The following LRRC7 variants were observed in gnomAD, a reference collection of about 807,000 sequenced individuals.
The protein encoded by LRRC7 is leucine rich repeat containing 7.
LRRC7 carries 23 observed loss-of-function variants against 175.7 expected under a neutral mutation model. The observed-to-expected ratio is 0.13, with a 90% CI of 0.09 to 0.19. LRRC7 has a LOEUF of 0.19. Among genes scored for constraint, LRRC7 ranks in the 10% least tolerant of loss-of-function variants. LRRC7 has a pLI of 1.00. For synonymous variants in LRRC7, 685 were observed against 680.9 expected (o/e 1.01, Z -0.09); for missense variants, 1,354 against 1,904.7 (o/e 0.71, Z 5.38).
At chr1:69,712,766 G>A (rs1007261902) in intron 2 of LRRC7, among the ~76,000 whole-genome samples, 2 of 152,178 alleles carry the variant, frequency 1.3e-5, no homozygotes, top group African/African-American at 4.8e-5. Flanking sequence ...ATAAAATACT[G>A]TGTTTAAAAG....
chr1:70,046,186 G>C lies in LRRC7; in HGVS notation c.4110+2092G>C, dbSNP rs185055821. 6.6e-5 allele frequency among the ~76,000 whole-genome samples: 10 copies of C among 152,150 alleles called. No homozygotes were observed. The East Asian group carries it at 1.7e-3, about 26-fold the overall frequency. On this transcript the variant is annotated intron_variant, in intron 22 of 26. Transcript: ENST00000651989. ...CTGTATGACAATATAGATATATACA[G>C]TATCTGAAAATGCCAATACACTTGA...
At chr1:69,792,565 T>C (rs1312380569) in intron 4 of LRRC7, among the ~76,000 whole-genome samples, 2 of 152,024 alleles carry the variant, frequency 1.3e-5, no homozygotes, top group African/African-American at 2.4e-5. Flanking sequence ...GGGCTTCAGT[T>C]TTTTCCCCTA....
chr1:69,602,287 T>G (rs754195980), intron 1 of LRRC7, among the ~76,000 whole-genome samples: 2 of 152,148 alleles, frequency 1.3e-5, no homozygotes, highest in Non-Finnish European at 2.9e-5. Flanking sequence ...ACGGTATTAA[T>G]GACAAAAGTA....
intron 7 of LRRC7, among the ~76,000 whole-genome samples, chr1:69,859,977 A>G (rs2101527570): frequency 6.6e-6 from 1 of 152,178 alleles, no homozygotes; most frequent in South Asian, 2.1e-4. Context: ...TATTTCTACT[A>G]CAGCCAACTT....
intron 26 of LRRC7, among the ~76,000 whole-genome samples, chr1:70,118,092 C>G (rs74085938): frequency 6.6e-6 from 1 of 150,656 alleles, no homozygotes; most frequent in African/African-American, 2.5e-5. Context: ...CACACACACA[C>G]GCACACGAAC....
chr1:69,998,349 T>C (rs1270638650), intron 11 of LRRC7, among the ~76,000 whole-genome samples: 1 of 152,176 alleles, frequency 6.6e-6, no homozygotes, highest in Non-Finnish European at 1.5e-5. Flanking sequence ...TTCACTTTTA[T>C]AGAGTGGAAC....
intron 1 of LRRC7, among the ~76,000 whole-genome samples, chr1:69,642,373 TG>T (rs1205252499): frequency 6.6e-6 from 1 of 151,870 alleles, no homozygotes; most frequent in Non-Finnish European, 1.5e-5. Flanking sequence ...GATCAATTAA[TG>T]TGTAATATTT....
chr1:69,919,719 C>A (rs1646825927), intron 7 of LRRC7: 2 of 1,018,644 alleles, frequency 2.0e-6, no homozygotes, highest in African/African-American at 1.6e-5. Context: ...GACCTGGGTG[C>A]CTTCAGCAAA....
At chr1:69,581,141 G>T (rs1035395591) in intron 1 of LRRC7, among the ~76,000 whole-genome samples, 1 of 152,306 alleles carries the variant, frequency 6.6e-6, no homozygotes, top group East Asian at 1.9e-4. Flanking sequence ...AAGAATTTAA[G>T]TTGTTTATCC....
At chr1:69,967,759 A>G (rs543575842) in intron 8 of LRRC7, among the ~76,000 whole-genome samples, 1 of 152,286 alleles carries the variant, frequency 6.6e-6, no homozygotes, top group Non-Finnish European at 1.5e-5. Flanking sequence ...GGAGGAGAGT[A>G]CTACATCAAG....
intron 3 of LRRC7, among the ~76,000 whole-genome samples, chr1:69,787,692 G>A (rs1030311277): frequency 1.3e-5 from 2 of 152,076 alleles, no homozygotes; most frequent in African/African-American, 2.4e-5. Flanking sequence ...AGAGGCTGCC[G>A]CAAAGGTCTC....
intron 7 of LRRC7, among the ~76,000 whole-genome samples, chr1:69,855,907 T>G (rs556601660): frequency 6.6e-6 from 1 of 152,318 alleles, no homozygotes; most frequent in East Asian, 1.9e-4. Context: ...TTTTGATCTT[T>G]GTTGGTTTAA....
At chr1:70,033,892 T>C (rs1337183225) in intron 18 of LRRC7, among the ~76,000 whole-genome samples, 1 of 152,190 alleles carries the variant, frequency 6.6e-6, no homozygotes, top group Non-Finnish European at 1.5e-5. Context: ...TTCCCATTCT[T>C]GTAATTAGGT....
intron 17 of LRRC7, among the ~76,000 whole-genome samples, chr1:70,026,272 A>C (rs897085707): frequency 6.6e-6 from 1 of 152,134 alleles, no homozygotes; most frequent in Non-Finnish European, 1.5e-5. Flanking sequence ...TTTTATTCAC[A>C]TACAGCTGGT....
At chr1:70,003,906 A>C (rs12032155) in intron 11 of LRRC7, among the ~76,000 whole-genome samples, 12,832 of 152,188 alleles carry the variant, frequency 0.084, 659 homozygotes, top group African/African-American at 0.15. Flanking sequence ...AGTTGCAGAT[A>C]TGTTCACTAA....
intron 3 of LRRC7, among the ~76,000 whole-genome samples, chr1:69,777,702 C>G (rs368366581): frequency 2.0e-5 from 3 of 152,166 alleles, no homozygotes; most frequent in African/African-American, 7.2e-5. Flanking sequence ...GCTTCCACAT[C>G]AAATCAACAG....
At chr1:69,744,363 T>G (rs1669038767) in intron 2 of LRRC7, among the ~76,000 whole-genome samples, 1 of 151,832 alleles carries the variant, frequency 6.6e-6, no homozygotes, top group South Asian at 2.1e-4. Flanking sequence ...AATGACGAAA[T>G]TATGTTACTT....
At chr1:69,629,731 C>CCT (rs1311765179) in intron 1 of LRRC7, among the ~76,000 whole-genome samples, 3 of 151,792 alleles carry the variant, frequency 2.0e-5, no homozygotes, top group Non-Finnish European at 4.4e-5. Flanking sequence ...ATGTTCTTTC[C>CCT]CTCTCTCTCT....
Position 70,123,853 on chromosome 1 carries a change from G to A in LRRC7, c.*1966G>A, listed in dbSNP as rs1008957346. 1.3e-5 allele frequency among the ~76,000 whole-genome samples: 2 copies of A among 152,080 alleles called. No individual in the cohort carries two copies. On this transcript the variant is annotated 3_prime_UTR_variant, in exon 27 of 27. Coordinates refer to ENST00000651989, the MANE Select transcript of LRRC7 (RefSeq NM_001370785.2). ...ATCACTTAAAGAAAAAAAACTCATG[G>A]CTGTAGTTTGGTGGCAATGAAACAT...
Sources: allele counts gnomAD v4.1 joint callset (sites outside exome capture counted in the v4.1 genomes callset), GRCh38; gene constraint gnomAD v4.1.1; transcripts MANE v1.5; gene names NCBI Gene and HGNC (gene_info 2026-07-23, HGNC 2026-07-21).